L3MBTL1: variants seen among roughly 807,000 people sequenced by gnomAD.
The protein encoded by L3MBTL1 is lethal(3)malignant brain tumor-like protein 1.
L3MBTL1 carries 75 observed loss-of-function variants against 105.3 expected under a neutral mutation model. That is an observed-to-expected ratio of 0.71 (90% CI 0.59 to 0.86). The LOEUF is 0.86. L3MBTL1 is among the 40% of genes least tolerant of loss of function. L3MBTL1 has a pLI of 0.00. For missense variants in L3MBTL1, 1,069 were observed against 1,126.4 expected, an observed-to-expected ratio of 0.95 and a Z score of 0.73; for synonymous variants, 452 against 436.2, an observed-to-expected ratio of 1.04 and a Z score of -0.45.
Position 43,541,723 on chromosome 20 carries a change from A to C in L3MBTL1, c.*595A>C. On this transcript the variant is annotated 3_prime_UTR_variant, in exon 22 of 22. Coordinates refer to ENST00000418998, the MANE Select transcript of L3MBTL1 (RefSeq NM_001377303.1). ...ATATGTTCCACTATAATCTTATGGGACCATGGTTTTAAATGTGGAATCATT... is the reference window on the plus strand; with the variant it reads ...ATATGTTCCACTATAATCTTATGGGCCCATGGTTTTAAATGTGGAATCATT... The C allele has an allele frequency of 2.7e-4, 185 of 675,426 alleles. No homozygotes were observed. Among genetic ancestry groups the C allele is most frequent in the Non-Finnish European group, 3.2e-4 (174 of 545,942 alleles). The allele number at this position is 675,426 out of a possible 1,614,324, so 41.8% of individuals were successfully genotyped here.
chr20:43,544,482 G>A (rs1414290809), downstream of L3MBTL1, among the ~76,000 whole-genome samples: 7 of 152,126 alleles, frequency 4.6e-5, no homozygotes, highest in African/African-American at 1.7e-4. Context: ...ATACCCACCA[G>A]CACACAGACA....
In L3MBTL1 at chr20:43,512,407, C is replaced by T. The variant is rs558421785; in HGVS notation, c.-28-1069C>T. On this transcript the variant is annotated intron_variant, in intron 1 of 21. Coordinates refer to ENST00000418998, the MANE Select transcript of L3MBTL1 (RefSeq NM_001377303.1). ...TTATTTCTTGTCAGAGACAGGGTCT[C>T]GCTATGTTGCCCAGGCTAGCCTCAA... 1.3e-4 allele frequency among the ~76,000 whole-genome samples: 20 copies of T among 152,326 alleles called. No individual in the cohort carries two copies. In the South Asian group the frequency reaches 3.7e-3, roughly 28 times the overall value.
chr20:43,525,381 A>G (rs538396533), intron 7 of L3MBTL1, among the ~76,000 whole-genome samples: 2 of 148,936 alleles, frequency 1.3e-5, no homozygotes, highest in East Asian at 3.9e-4. Context: ...CCAATATGGT[A>G]CCTTTGTACA....
rs529662059 is a variant in L3MBTL1 at position 43,517,876 on chromosome 20, G to A, written c.862+1699G>A. On this transcript the variant is annotated intron_variant, in intron 7 of 21. Coordinates refer to ENST00000418998, the MANE Select transcript of L3MBTL1 (RefSeq NM_001377303.1). ...GTGCTTCTTCCAACTTCTGCCCATT[G>A]TAGCTAAACCAGAACTTCACTATTA... 1.6e-3 allele frequency among the ~76,000 whole-genome samples: 250 copies of A among 152,162 alleles called. 3 individuals carry two copies. Among genetic ancestry groups the A allele is most frequent in the Non-Finnish European group, 3.2e-3 (215 of 68,042 alleles).
Position 43,520,056 on chromosome 20 carries a change from A to C in L3MBTL1, c.862+3879A>C, listed in dbSNP as rs371867697. 1.1e-3 allele frequency among the ~76,000 whole-genome samples: 173 copies of C among 152,306 alleles called. 1 individual carries two copies. The highest frequency in any genetic ancestry group is 4.0e-3 in the African/African-American group (167 of 41,558). ...AAACATTTCCATCACTCCCAAAAGA[A>C]GTCCTATATATCTATTAGCCATCAT... On this transcript the variant is annotated intron_variant, in intron 7 of 21. Transcript: ENST00000418998.
At position 43,515,409 on chromosome 20, in the gene L3MBTL1, G is replaced by A. The variant is rs745638825; in HGVS notation, c.771G>A (p.Glu257=). Residue 257 remains glutamate (E), a synonymous_variant, in exon 6 of 22, where the codon GAG becomes GAA. Transcript: ENST00000418998. ...CATCAGAGGAGGAGTCGGAGCCAGA[G>A]GCCATGGTAGGAAGAGGGCAGTGGG... is the stretch of plus-strand genomic sequence containing the variant. ...QSPSEEESEP[E]AMEKQEEGKD... The A allele has an allele frequency of 5.1e-6, 8 of 1,555,968 alleles. No homozygotes were observed. Among genetic ancestry groups the A allele is most frequent in the Middle Eastern group, 1.7e-4 (1 of 5,974 alleles).
rs1219975177 is a variant in L3MBTL1, at chr20:43,515,118, T to C, written c.612T>C (p.Leu204=). The part of the protein sequence containing the change: ...CGPHQAAGPD[L]GSSNDGCPQL... ...CTCACCAAGCCGCGGGTCCAGATCT[T>C]GGTTCCTCTAATGATGGCTGCCCTC... is the stretch of plus-strand genomic sequence containing the variant. The change falls in exon 5 of 22, where the codon CTT becomes CTC. Residue 204 remains leucine, a synonymous_variant. Coordinates refer to ENST00000418998, the MANE Select transcript of L3MBTL1 (RefSeq NM_001377303.1). The C allele has an allele frequency of 1.9e-6, 3 of 1,614,016 alleles. No homozygotes were observed. The African/African-American group carries it at 4.0e-5, about 22-fold the overall frequency.
chr20:43,516,705 A>G (rs1474769957), intron 7 of L3MBTL1, among the ~76,000 whole-genome samples: 1 of 152,242 alleles, frequency 6.6e-6, no homozygotes, highest in Non-Finnish European at 1.5e-5. Context: ...GATACTGTGT[A>G]GCAGTTTGTT....
chr20:43,539,951 G>A lies in L3MBTL1; in HGVS notation c.2174-200G>A. 7 of 657,476 alleles carry A rather than the reference G, an allele frequency of 1.1e-5. 2 individuals carry two copies. The South Asian group carries it at 1.2e-4, about 11-fold the overall frequency. 40.7% of individuals were successfully genotyped at this position (657,476 alleles called of 1,614,324 possible). ...AGCTGACCTGAGAGTCTTTAAGAGA[G>A]TCACTTTACCAGCAGGAGTGAACAC... On this transcript the variant is annotated intron_variant, in intron 19 of 21. Transcript: ENST00000418998.
downstream of L3MBTL1, among the ~76,000 whole-genome samples, chr20:43,543,810 A>C (rs924748539): frequency 6.6e-6 from 1 of 152,200 alleles, no homozygotes; most frequent in Non-Finnish European, 1.5e-5. Flanking sequence ...GTTGTTCTGT[A>C]CTGGTGGCCC....
chr20:43,532,719 G>C (rs1434897738), intron 11 of L3MBTL1, 54 bp from the exon 12 acceptor site: 1 of 1,603,324 alleles, frequency 6.2e-7, no homozygotes, highest in Non-Finnish European at 8.5e-7. Context: ...ATGGGCTCTG[G>C]GCTGGTCTTA....
intron 6 of L3MBTL1, 23 bp from the exon 7 acceptor site, chr20:43,516,069 TG>T: frequency 6.3e-7 from 1 of 1,581,576 alleles, no homozygotes; most frequent in Non-Finnish European, 8.7e-7. Flanking sequence ...GAGAAGAAGC[TG>T]GGATCAGGCT....
Position 43,536,451 on chromosome 20 carries a change from T to A in L3MBTL1, c.2166T>A (p.Asp722Glu). The A allele has an allele frequency of 6.2e-7, 1 of 1,613,972 alleles. No individual in the cohort carries two copies. The highest frequency in any genetic ancestry group is 1.1e-5 in the South Asian group (1 of 91,084). The change falls in exon 19 of 22, where the codon GAT becomes GAA. Residue 722 changes from aspartate (D) to glutamate (E), a missense_variant. Transcript: ENST00000418998. The stretch of plus-strand genomic sequence containing the variant: ...AGTATCGAAAGATTCCGCAGGAAGA[T>A]TTCCAGAGTAAGTCTGGGTTATCTG... ...PPKYRKIPQEDFQTLTPDVVH... is the reference protein window; with the variant it reads ...PPKYRKIPQEEFQTLTPDVVH...
intron 1 of L3MBTL1, among the ~76,000 whole-genome samples, chr20:43,510,580 T>A (rs927414515): frequency 9.9e-5 from 15 of 151,488 alleles, no homozygotes; most frequent in East Asian, 5.9e-4. Flanking sequence ...ATTTTTTTTT[T>A]ATTTTTTTGT....
intron 1 of L3MBTL1, among the ~76,000 whole-genome samples, chr20:43,509,298 C>T (rs1441224929): frequency 6.6e-6 from 1 of 151,986 alleles, no homozygotes; most frequent in Non-Finnish European, 1.5e-5. Flanking sequence ...GATCATAGCT[C>T]ACTGCAGCCT....
chr20:43,532,897 A>T lies in L3MBTL1; in HGVS notation c.1409A>T (p.Asp470Val). Residue 470 changes from aspartate to valine, a missense_variant, in exon 12 of 22, where the codon GAC becomes GTC. Coordinates refer to ENST00000418998, the MANE Select transcript of L3MBTL1 (RefSeq NM_001377303.1). ...GACAGCCGCTTCCTGGTGCACTTTG[A>T]CAACTGGGATGATACTTATGACTAC... ...VVDSRFLVHF[D>V]NWDDTYDYWC... 6.2e-7 allele frequency: 1 copy of T among 1,614,060 alleles called. No homozygotes were observed. Among genetic ancestry groups the T allele is most frequent in the East Asian group, 2.2e-5 (1 of 44,864 alleles).
At position 43,535,984 on chromosome 20, in the gene L3MBTL1, A is replaced by G. The variant is rs760796731; in HGVS notation, c.1925+48A>G. On this transcript the variant is annotated intron_variant, in intron 17 of 21. Coordinates refer to ENST00000418998, the MANE Select transcript of L3MBTL1 (RefSeq NM_001377303.1). ...AGACCCTCAGCGTTGTTTTGCACTT[A>G]CTGCATGCAGGCGACTGGGGTCCAC... 4 of 1,589,690 alleles carry G rather than the reference A, an allele frequency of 2.5e-6. No homozygotes were observed. The South Asian group carries it at 4.5e-5, about 18-fold the overall frequency.
intron 20 of L3MBTL1, 49 bp from the exon 21 acceptor site, chr20:43,540,704 C>T (rs2019869020): frequency 6.3e-7 from 1 of 1,581,752 alleles, no homozygotes; most frequent in Admixed American, 1.7e-5. Context: ...GCTCTCCCTA[C>T]ATGCCTAAGC....
intron 18 of L3MBTL1, among the ~76,000 whole-genome samples, chr20:43,547,165 C>T (rs1379020921): frequency 2.1e-5 from 3 of 140,958 alleles, no homozygotes; most frequent in Non-Finnish European, 4.5e-5. Flanking sequence ...AGTGCAGTGG[C>T]GCGATCTCGG....
Sources: allele counts gnomAD v4.1 joint callset (sites outside exome capture counted in the v4.1 genomes callset), GRCh38; gene constraint gnomAD v4.1.1; transcripts MANE v1.5; gene names NCBI Gene and HGNC (gene_info 2026-07-23, HGNC 2026-07-21).